The following UBAP2 variants were observed in gnomAD, a reference collection of about 807,000 sequenced individuals.
The protein encoded by UBAP2 is ubiquitin-associated protein 2.
Under a neutral mutation model 139.6 loss-of-function variants are expected in UBAP2, and 75 were observed. That is an observed-to-expected ratio of 0.54 (90% confidence interval 0.45 to 0.65). The LOEUF is 0.65. Among genes scored for constraint, UBAP2 ranks in the 30% least tolerant of loss-of-function variants. The pLI is 0.00. For missense variants in UBAP2, 1,368 were observed against 1,369.6 expected (o/e 1.00, Z 0.02); for synonymous variants, 526 against 526.2 (o/e 1.00, Z 0.01).
chr9:34,007,389 G>A (rs373392660), intron 2 of UBAP2, among the ~76,000 whole-genome samples: 4 of 151,562 alleles, frequency 2.6e-5, no homozygotes, highest in South Asian at 2.1e-4. Flanking sequence ...CCAGCTACCC[G>A]AGAGGCTGAG....
At chr9:33,981,274 T>C (rs553859911) in intron 6 of UBAP2, among the ~76,000 whole-genome samples, 1 of 84,480 alleles carries the variant, frequency 1.2e-5, no homozygotes, top group African/African-American at 4.5e-5. Flanking sequence ...GATATATATA[T>C]ATATTCTGGA....
chr9:33,956,250 A>C (rs748764881), intron 10 of UBAP2, 104 bp from the exon 11 acceptor site: 1 of 698,952 alleles, frequency 1.4e-6, no homozygotes, highest in Non-Finnish European at 2.5e-6. Context: ...TACACTTCGC[A>C]TAACAGCTAT....
chr9:33,945,736 T>A (rs1302028299), intron 13 of UBAP2, among the ~76,000 whole-genome samples: 1 of 152,188 alleles, frequency 6.6e-6, no homozygotes, highest in Non-Finnish European at 1.5e-5. Flanking sequence ...CCATTGAGTG[T>A]CTCACATTAA....
intron 4 of UBAP2, among the ~76,000 whole-genome samples, chr9:33,993,657 C>A (rs774224323): frequency 1.3e-5 from 2 of 152,146 alleles, no homozygotes; most frequent in Non-Finnish European, 2.9e-5. Flanking sequence ...CGGAGTGAGA[C>A]CCTGTCTTAA....
In UBAP2 at chr9:33,922,773, C is replaced by A; in HGVS notation, c.3178G>T (p.Ala1060Ser). The change falls in exon 28 of 29, where the codon GCA (alanine) becomes TCA (serine). Residue 1060 changes from alanine (A) to serine (S), a missense_variant. Coordinates refer to ENST00000379238, the MANE Select transcript of UBAP2 (RefSeq NM_001370062.2). ...AAGATGTGTAGGAATGGTGGGGGTG[C>A]ATAGCCAGGGGCCGCTCCCGAGGCC... ...PLASGAAPGY[A>S]PPPFLHILPA... The A allele has an allele frequency of 6.4e-7, 1 of 1,560,600 alleles. No individual in the cohort carries two copies.
Position 33,953,284 on chromosome 9 carries a change from C to A in UBAP2, c.1056+1G>T. The A allele has an allele frequency of 6.2e-7, 1 of 1,610,408 alleles. No homozygotes were observed. The highest frequency in any genetic ancestry group is 1.7e-5 in the Admixed American group (1 of 59,150). On this transcript the variant is annotated splice_donor_variant, in intron 12 of 28. Coordinates refer to ENST00000379238, the MANE Select transcript of UBAP2 (RefSeq NM_001370062.2). LOFTEE classifies it high-confidence loss of function. ...CCCACACTGAAATAAAAGTGAGTTA[C>A]CAGGCTCTGAGGAGAACAGGAGTTG...
chr9:34,002,689 T>C (rs899018751), intron 2 of UBAP2, among the ~76,000 whole-genome samples: 1 of 152,006 alleles, frequency 6.6e-6, no homozygotes, highest in African/African-American at 2.4e-5. Flanking sequence ...CATCTTTTTT[T>C]TAAGCTAGGG....
intron 8 of UBAP2, among the ~76,000 whole-genome samples, chr9:33,970,774 A>G (rs1378433203): frequency 2.0e-5 from 3 of 151,812 alleles, no homozygotes; most frequent in African/African-American, 7.3e-5. Flanking sequence ...GTTATAATTC[A>G]TTGTGTTAAA....
chr9:34,006,002 G>A (rs1239310559), intron 2 of UBAP2, among the ~76,000 whole-genome samples: 3 of 151,812 alleles, frequency 2.0e-5, no homozygotes, highest in Admixed American at 6.6e-5. Flanking sequence ...AGGCTGAGGC[G>A]GGCAGATCAC....
At chr9:33,926,417 A>G (rs1240981125) in intron 22 of UBAP2, among the ~76,000 whole-genome samples, 200 bp downstream of exon 22, 1 of 152,182 alleles carries the variant, frequency 6.6e-6, no homozygotes, top group African/African-American at 2.4e-5. Flanking sequence ...CCCAGGGATG[A>G]GCACTGGATA....
At chr9:33,945,178 G>A (rs1825560344) in intron 13 of UBAP2, among the ~76,000 whole-genome samples, 1 of 149,356 alleles carries the variant, frequency 6.7e-6, no homozygotes, top group Non-Finnish European at 1.5e-5. Flanking sequence ...TGGACTAATT[G>A]ATATATATAT....
chr9:33,943,704 G>A, intron 14 of UBAP2, 115 bp from the exon 15 acceptor site: 1 of 915,100 alleles, frequency 1.1e-6, no homozygotes, highest in East Asian at 2.5e-5. Context: ...CAAGAAGAAG[G>A]AGTGAGAAAC....
At chr9:34,038,177 G>C (rs910696563) in intron 1 of UBAP2, among the ~76,000 whole-genome samples, 2 of 147,278 alleles carry the variant, frequency 1.4e-5, no homozygotes, top group East Asian at 3.9e-4. Context: ...AAGGTCGGGC[G>C]CGGTGGCTCC....
At chr9:34,028,711 A>C (rs949146092) in intron 1 of UBAP2, among the ~76,000 whole-genome samples, 3 of 151,880 alleles carry the variant, frequency 2.0e-5, no homozygotes, top group Non-Finnish European at 4.4e-5. Flanking sequence ...GCAGGTAACC[A>C]GGACTCTTCA....
rs1554686697 is a variant in UBAP2, at chr9:33,981,097, A to ATT, written c.520+5661_520+5662dup. ...TATATATATATATATATATATATAT[A>ATT]TTCTGGATATATATATATATATATA... On this transcript the variant is annotated intron_variant, in intron 6 of 28. Coordinates refer to ENST00000379238, the MANE Select transcript of UBAP2 (RefSeq NM_001370062.2). 3.5e-4 allele frequency among the ~76,000 whole-genome samples: 2 copies of ATT among 5,712 alleles called. 1 individual carries two copies. The allele number at this position is 5,712 out of a possible 152,430, so 3.7% of individuals were successfully genotyped here. A position where few individuals can be genotyped will look rare whatever the true frequency, so the allele number is the denominator to read the frequency against.
intron 1 of UBAP2, among the ~76,000 whole-genome samples, chr9:34,032,872 C>T (rs79184623): frequency 0.13 from 19,817 of 149,758 alleles, 1,563 homozygotes; most frequent in South Asian, 0.33. Context: ...TGCAGTGAGC[C>T]GCCACTGTAC....
At chr9:34,043,721 C>T (rs1205967290) in intron 1 of UBAP2, among the ~76,000 whole-genome samples, 1 of 151,894 alleles carries the variant, frequency 6.6e-6, no homozygotes, top group Non-Finnish European at 1.5e-5. Flanking sequence ...GTCTCGAACT[C>T]CTGCTCAAGA....
In UBAP2 at chr9:33,971,833, C is replaced by T. The variant is rs1056190008; in HGVS notation, c.576-79G>A. 9.5e-6 allele frequency: 8 copies of T among 840,552 alleles called. No individual in the cohort carries two copies. In the African/African-American group the frequency reaches 1.2e-4, roughly 12 times the overall value. The allele number at this position is 840,552 out of a possible 1,614,324, so 52.1% of individuals were successfully genotyped here. On this transcript the variant is annotated intron_variant, in intron 7 of 28. Transcript: ENST00000379238. The stretch of plus-strand genomic sequence containing the variant: ...AAAATATTAACCATACATGATCTTC[C>T]ACCAAACAAGCCCAGTGCCTTCTCA...
intron 16 of UBAP2, among the ~76,000 whole-genome samples, chr9:33,939,189 CTTTTTTTTTT>C (rs72150705): frequency 1.3e-5 from 1 of 78,584 alleles, no homozygotes; most frequent in Non-Finnish European, 2.3e-5. Context: ...TTTCCTATGT[CTTTTTTTTTT>C]TTTTTTTTTT....
Sources: allele counts gnomAD v4.1 joint callset (sites outside exome capture counted in the v4.1 genomes callset), GRCh38; gene constraint gnomAD v4.1.1; transcripts MANE v1.5; gene names NCBI Gene and HGNC (gene_info 2026-07-23, HGNC 2026-07-21).